The following GNAQ variants were observed in gnomAD, a reference collection of about 807,000 sequenced individuals.
The protein encoded by GNAQ is G protein subunit alpha q.
In GNAQ, 8 loss-of-function variants were observed where a neutral mutation model predicts 43.9. That is an observed-to-expected ratio of 0.18 (90% CI 0.11 to 0.33). The LOEUF (loss-of-function observed/expected upper bound fraction) is 0.33, where lower values mean the gene tolerates loss of function less well. Among genes scored for constraint, GNAQ ranks in the 10% least tolerant of loss-of-function variants. The pLI, the probability that GNAQ is intolerant of heterozygous loss-of-function variation, is 1.00. For missense variants in GNAQ, 158 were observed against 450.8 expected (o/e 0.35, Z 5.88); for synonymous variants, 155 against 170.7 (o/e 0.91, Z 0.71).
At chr9:77,825,276 AT>A (rs1175206383) in intron 2 of GNAQ, among the ~76,000 whole-genome samples, 1 of 152,212 alleles carries the variant, frequency 6.6e-6, no homozygotes, top group Non-Finnish European at 1.5e-5. Context: ...AATACAACAG[AT>A]TTATACCAAA....
At chr9:77,905,704 A>C (rs1587400252) in intron 2 of GNAQ, among the ~76,000 whole-genome samples, 1 of 152,196 alleles carries the variant, frequency 6.6e-6, no homozygotes, top group Non-Finnish European at 1.5e-5. Flanking sequence ...CATATTCAGG[A>C]AAATTCTGTC....
intron 3 of GNAQ, among the ~76,000 whole-genome samples, chr9:77,801,078 T>C (rs1826737023): frequency 6.6e-6 from 1 of 152,222 alleles, no homozygotes; most frequent in Admixed American, 6.5e-5. Context: ...TTTTCTGTTT[T>C]CTGGAGATGA....
intron 1 of GNAQ, among the ~76,000 whole-genome samples, chr9:78,009,728 A>T (rs1323411782): frequency 1.3e-5 from 2 of 152,236 alleles, no homozygotes; most frequent in African/African-American, 4.8e-5. Flanking sequence ...CAAATGCTAG[A>T]AATTGGGAAT....
chr9:77,884,932 T>C lies in GNAQ; in HGVS notation c.321+37229A>G, dbSNP rs1248533446. Among the ~76,000 whole-genome samples the C allele has an allele frequency of 3.9e-5, 6 of 152,190 alleles. No homozygotes were observed. In the East Asian group the frequency reaches 9.6e-4, roughly 24 times the overall value. On this transcript the variant is annotated intron_variant, in intron 2 of 6. Coordinates refer to ENST00000286548, the MANE Select transcript of GNAQ (RefSeq NM_002072.5). ...TATTCTCCTTTGTAGCTTTGTGATC[T>C]TGCGGAAATACACCCATTTCTCAAA... is the stretch of plus-strand genomic sequence containing the variant.
intron 2 of GNAQ, among the ~76,000 whole-genome samples, chr9:77,861,817 T>C (rs1189233785): frequency 6.6e-6 from 1 of 151,874 alleles, no homozygotes; most frequent in Admixed American, 6.6e-5. Context: ...CTGGCCAACA[T>C]GGTGAAACCC....
intron 5 of GNAQ, among the ~76,000 whole-genome samples, chr9:77,782,660 G>C (rs1826412854): frequency 2.6e-5 from 4 of 152,200 alleles, no homozygotes; most frequent in Admixed American, 2.6e-4. Context: ...TTTAACCAAA[G>C]GAGCTGAAAA....
Position 77,836,387 on chromosome 9 carries a change from T to C in GNAQ, c.322-20617A>G, listed in dbSNP as rs550027706. On this transcript the variant is annotated intron_variant, in intron 2 of 6. Coordinates refer to ENST00000286548, the MANE Select transcript of GNAQ (RefSeq NM_002072.5). The stretch of plus-strand genomic sequence containing the variant: ...CAGTGAACTTTCCCATCTGAAAATG[T>C]AGATATGCTTGCAAAAGATTCTTTA... Among the ~76,000 whole-genome samples, 22 of 152,336 alleles carry C rather than the reference T, an allele frequency of 1.4e-4. No individual in the cohort carries two copies. In the South Asian group the frequency reaches 2.9e-3, roughly 20 times the overall value.
chr9:77,889,408 C>A (rs1408348546), intron 2 of GNAQ, among the ~76,000 whole-genome samples: 1 of 37,088 alleles, frequency 2.7e-5, no homozygotes, highest in Non-Finnish European at 4.6e-5. Flanking sequence ...CAGACCCTGT[C>A]TCAAAAAAAA....
At chr9:78,011,141 G>C (rs1183146299) in intron 1 of GNAQ, among the ~76,000 whole-genome samples, 3 of 152,184 alleles carry the variant, frequency 2.0e-5, no homozygotes, top group Admixed American at 1.3e-4. Flanking sequence ...TCACTCAAAA[G>C]AGAAGGACAA....
intron 1 of GNAQ, among the ~76,000 whole-genome samples, chr9:77,932,265 TTTA>T (rs1829162877): frequency 6.6e-6 from 1 of 152,208 alleles, no homozygotes; most frequent in Non-Finnish European, 1.5e-5. Flanking sequence ...GCTTGAATTG[TTTA>T]TTCTTAATTT....
chr9:77,896,569 T>G (rs1828506441), intron 2 of GNAQ, among the ~76,000 whole-genome samples: 1 of 152,218 alleles, frequency 6.6e-6, no homozygotes, highest in Non-Finnish European at 1.5e-5. Flanking sequence ...AAGAATAATT[T>G]CTTGGTATCA....
At chr9:77,962,362 A>G (rs1282653698) in intron 1 of GNAQ, among the ~76,000 whole-genome samples, 1 of 152,190 alleles carries the variant, frequency 6.6e-6, no homozygotes, top group African/African-American at 2.4e-5. Flanking sequence ...AAAGAAAACT[A>G]CATGAGGCAG....
intron 5 of GNAQ, among the ~76,000 whole-genome samples, chr9:77,786,370 AAAG>A (rs1403968805): frequency 6.6e-6 from 1 of 151,970 alleles, no homozygotes; most frequent in Non-Finnish European, 1.5e-5. Context: ...AAAAAAAAAA[AAAG>A]AAGAGTTAAC....
chr9:77,858,408 T>G (rs532568676), intron 2 of GNAQ, among the ~76,000 whole-genome samples: 58 of 152,224 alleles, frequency 3.8e-4, no homozygotes, highest in Non-Finnish European at 5.3e-4. Flanking sequence ...TCAGCCCCCC[T>G]CAACCATTTA....
intron 1 of GNAQ, among the ~76,000 whole-genome samples, chr9:77,961,643 A>T (rs1823108729): frequency 1.3e-5 from 2 of 152,226 alleles, no homozygotes. Context: ...TATGAAAGAG[A>T]GGCTGCTCTA....
At chr9:77,827,083 T>C (rs1257041114) in intron 2 of GNAQ, among the ~76,000 whole-genome samples, 1 of 152,202 alleles carries the variant, frequency 6.6e-6, no homozygotes, top group Admixed American at 6.5e-5. Context: ...CATAACTGTT[T>C]TGCAACTGGA....
At chr9:77,884,471 C>G (rs1038212722) in intron 2 of GNAQ, among the ~76,000 whole-genome samples, 1 of 152,150 alleles carries the variant, frequency 6.6e-6, no homozygotes, top group Non-Finnish European at 1.5e-5. Flanking sequence ...TGAAAGAAAA[C>G]AATGAACGAA....
At chr9:77,784,686 T>A (rs1244055053) in intron 5 of GNAQ, among the ~76,000 whole-genome samples, 1 of 152,196 alleles carries the variant, frequency 6.6e-6, no homozygotes, top group African/African-American at 2.4e-5. Flanking sequence ...AGGCAAGTCA[T>A]GAAGCAGCAG....
At chr9:77,876,778 T>G (rs896115657) in intron 2 of GNAQ, among the ~76,000 whole-genome samples, 1 of 152,214 alleles carries the variant, frequency 6.6e-6, no homozygotes, top group Non-Finnish European at 1.5e-5. Context: ...CACTCAGTAA[T>G]AAATCAGTGA....
Sources: gnomAD v4.1 joint callset for allele counts (sites outside exome capture counted in the v4.1 genomes callset) on GRCh38, gnomAD v4.1.1 for gene constraint, MANE v1.5 for transcripts, NCBI Gene and HGNC (gene_info 2026-07-23, HGNC 2026-07-21) for gene names.